Variants in NPHS1 observed in about 807,000 individuals in gnomAD.
NPHS1 encodes the protein nephrin.
In NPHS1, 107 loss-of-function variants were observed where a neutral mutation model predicts 139.7. That is an observed-to-expected ratio of 0.77 (90% confidence interval 0.66 to 0.90). NPHS1 has a LOEUF of 0.90. Ranked by LOEUF, NPHS1 falls within the 40% of genes least tolerant of loss-of-function variation. The pLI, the probability that NPHS1 is intolerant of heterozygous loss-of-function variation, is 0.00. For synonymous variants in NPHS1, 707 were observed against 706.6 expected (o/e 1.00, Z -0.01); for missense variants, 1,580 against 1,654.2 (o/e 0.96, Z 0.78).
At chr19:35,827,832 G>A (rs185532891) in intron 28 of NPHS1, among the ~76,000 whole-genome samples, 2 of 152,228 alleles carry the variant, frequency 1.3e-5, no homozygotes, top group East Asian at 1.9e-4. Flanking sequence ...CAGGAGAATC[G>A]CTTGAACCTG....
chr19:35,843,368 T>A, intron 17 of NPHS1, 104 bp downstream of exon 17: 2 of 1,388,088 alleles, frequency 1.4e-6, no homozygotes, highest in South Asian at 2.3e-5. Flanking sequence ...TATATAGTTA[T>A]AAGGGTCATA....
chr19:35,827,725 C>A (rs1183780132), intron 28 of NPHS1, among the ~76,000 whole-genome samples: 4 of 152,142 alleles, frequency 2.6e-5, no homozygotes, highest in African/African-American at 9.7e-5. Flanking sequence ...CGAGACCAGC[C>A]TGGGCAATGG....
intron 20 of NPHS1, among the ~76,000 whole-genome samples, chr19:35,840,560 T>A (rs933827986): frequency 6.6e-6 from 1 of 151,222 alleles, no homozygotes; most frequent in Non-Finnish European, 1.5e-5. Flanking sequence ...GGTCTCGATC[T>A]CCTGACCTCG....
chr19:35,839,675 T>A, intron 20 of NPHS1, 68 bp from the exon 21 acceptor site: 1 of 1,267,956 alleles, frequency 7.9e-7, no homozygotes, highest in South Asian at 1.2e-5. Flanking sequence ...TGTCCAGGTT[T>A]TCCCTAGGAA....
chr19:35,851,182 G>C, intron 3 of NPHS1, 80 bp downstream of exon 3: 1 of 1,613,322 alleles, frequency 6.2e-7, no homozygotes, highest in South Asian at 1.1e-5. Flanking sequence ...GGAGAGGCTG[G>C]GGGCTTGGAC....
intron 22 of NPHS1, among the ~76,000 whole-genome samples, chr19:35,836,200 T>C (rs1397113241): frequency 6.9e-6 from 1 of 145,836 alleles, no homozygotes; most frequent in Admixed American, 6.9e-5. Flanking sequence ...ACCTCGTGAT[T>C]CGCCCACCTC....
chr19:35,851,215 G>A lies in NPHS1; in HGVS notation c.397+47C>T, dbSNP rs753464119. The stretch of plus-strand genomic sequence containing the variant: ...GACTTCCGGGTTGCGGGGTAGGGGA[G>A]GGCTTGAAGCCCAGACTCATGGGTC... On this transcript the variant is annotated intron_variant, in intron 3 of 28. Coordinates refer to ENST00000378910, the MANE Select transcript of NPHS1 (RefSeq NM_004646.4). 6 of 1,613,586 alleles carry A rather than the reference G, an allele frequency of 3.7e-6. No individual in the cohort carries two copies. The South Asian group carries it at 4.4e-5, about 12-fold the overall frequency.
intron 20 of NPHS1, among the ~76,000 whole-genome samples, 170 bp from the exon 21 acceptor site, chr19:35,839,777 G>A (rs1289302612): frequency 6.6e-6 from 1 of 152,112 alleles, no homozygotes; most frequent in Non-Finnish European, 1.5e-5. Context: ...ACACCAAACT[G>A]TCCCTGTAAT....
intron 14 of NPHS1, among the ~76,000 whole-genome samples, 167 bp from the exon 15 acceptor site, chr19:35,844,626 T>C (rs1973109708): frequency 6.6e-6 from 1 of 152,066 alleles, no homozygotes. Flanking sequence ...AGGTTCGGGA[T>C]AGAAGTTAGA....
rs371920235 is a variant in NPHS1 at position 35,837,256 on chromosome 19, A to G, written c.3110-1495T>C. Among the ~76,000 whole-genome samples the G allele has an allele frequency of 3.3e-5, 5 of 152,192 alleles. No individual in the cohort carries two copies. The East Asian group carries it at 9.6e-4, about 29-fold the overall frequency. ...AATTGTAACATATTCATCATATTCA[A>G]GGAATTTGTCCTTCTCATCCAACTT... On this transcript the variant is annotated intron_variant, in intron 22 of 28. Transcript: ENST00000378910.
At position 35,842,183 on chromosome 19, in the gene NPHS1, G is replaced by T. The variant is rs766776753; in HGVS notation, c.2604C>A (p.Val868=). 1 of 1,611,474 alleles carries T rather than the reference G, an allele frequency of 6.2e-7. No individual in the cohort carries two copies. Among genetic ancestry groups the T allele is most frequent in the Non-Finnish European group, 8.5e-7 (1 of 1,179,074 alleles). ...SATLHCRARG[V]PNIVFTWTKN... is the part of the protein sequence containing the mutation. ...TTGTCCAAGTGAAAACGATGTTGGG[G>T]ACACCTCGGGCACGGCAGTGGAGGG... The change falls in exon 19 of 29, where the codon GTC becomes GTA. Residue 868 remains valine (V), a synonymous_variant. Coordinates refer to ENST00000378910, the MANE Select transcript of NPHS1 (RefSeq NM_004646.4).
chr19:35,842,604 C>T, intron 17 of NPHS1, 54 bp from the exon 18 acceptor site: 33 of 1,575,604 alleles, frequency 2.1e-5, no homozygotes, highest in Non-Finnish European at 2.9e-5. Flanking sequence ...AGATCCATCA[C>T]TGCCCAAATT....
At chr19:35,850,849 C>G in intron 4 of NPHS1, 112 bp downstream of exon 4, 1 of 1,393,604 alleles carries the variant, frequency 7.2e-7, no homozygotes, top group East Asian at 2.5e-5. Flanking sequence ...GTCCCCATCC[C>G]AGGGATGACA....
rs1312351532 is a variant in NPHS1, at chr19:35,831,386, G to A, written c.3312-15C>T. 5 of 1,613,912 alleles carry A rather than the reference G, an allele frequency of 3.1e-6. No homozygotes were observed. In the South Asian group the frequency reaches 4.4e-5, roughly 14 times the overall value. On this transcript the variant is annotated splice_polypyrimidine_tract_variant and intron_variant, in intron 25 of 28. Coordinates refer to ENST00000378910, the MANE Select transcript of NPHS1 (RefSeq NM_004646.4). ...CCTCTTCCGACCTTCCAGGATGAAG[G>A]TGTGGGGGGAAGTTGAGTGCTGCCC...
chr19:35,835,199 CAA>C (rs71167570), intron 23 of NPHS1, among the ~76,000 whole-genome samples: 347 of 71,212 alleles, frequency 4.9e-3, no homozygotes, highest in East Asian at 0.012. Context: ...GACTCTGTCT[CAA>C]AAAAAAAAAA....
At chr19:35,834,037 T>C (rs1440057311) in intron 23 of NPHS1, among the ~76,000 whole-genome samples, 3 of 151,866 alleles carry the variant, frequency 2.0e-5, no homozygotes, top group African/African-American at 7.3e-5. Flanking sequence ...AACAGCTGCA[T>C]TTCTGTCACT....
In NPHS1 at chr19:35,851,911, CCTCT is replaced by C; in HGVS notation, c.-78_-75del. On this transcript the variant is annotated 5_prime_UTR_variant, in exon 1 of 29. Transcript: ENST00000378910. The stretch of plus-strand genomic sequence containing the variant: ...GCGTCTGTCTGGCTTTCTCTGGGTC[CCTCT>C]CTGTGTGTCTCTGCCACCTGCTTTT... 4.5e-6 allele frequency: 6 copies of C among 1,330,332 alleles called. No homozygotes were observed. Among genetic ancestry groups the C allele is most frequent in the Non-Finnish European group, 6.3e-6 (6 of 946,974 alleles). The allele number at this position is 1,330,332 out of a possible 1,614,324, so 82.4% of individuals were successfully genotyped here.
At chr19:35,830,662 G>T (rs971395224) in intron 28 of NPHS1, among the ~76,000 whole-genome samples, 182 bp downstream of exon 28, 4 of 152,220 alleles carry the variant, frequency 2.6e-5, no homozygotes, top group African/African-American at 9.6e-5. Flanking sequence ...TCCTGCCTTG[G>T]CCTCCCAAAG....
At chr19:35,836,635 G>C (rs1435000397) in intron 22 of NPHS1, among the ~76,000 whole-genome samples, 1 of 151,940 alleles carries the variant, frequency 6.6e-6, no homozygotes, top group African/African-American at 2.4e-5. Context: ...AAGATTGTAG[G>C]GGTGAAAAAG....
Sources: gnomAD v4.1 joint callset for allele counts (sites outside exome capture counted in the v4.1 genomes callset) on GRCh38, gnomAD v4.1.1 for gene constraint, MANE v1.5 for transcripts, NCBI Gene and HGNC (gene_info 2026-07-23, HGNC 2026-07-21) for gene names.